Variants in LRRC1 observed in about 807,000 individuals in gnomAD.
LRRC1 encodes leucine-rich repeat-containing protein 1.
Under a neutral mutation model 69.9 loss-of-function variants are expected in LRRC1, and 28 were observed. That is an observed-to-expected ratio of 0.40 (90% CI 0.30 to 0.55). LRRC1 has a LOEUF of 0.55. LRRC1 is among the 20% of genes least tolerant of loss of function. The pLI is 0.47. For synonymous variants in LRRC1, 236 were observed against 240.2 expected (o/e 0.98, Z 0.16); for missense variants, 498 against 609.0 (o/e 0.82, Z 1.92).
intron 4 of LRRC1, among the ~76,000 whole-genome samples, chr6:53,890,496 G>GC (rs1442443017): frequency 6.6e-6 from 1 of 151,964 alleles, no homozygotes; most frequent in Non-Finnish European, 1.5e-5. Context: ...GATCCATGTG[G>GC]CCCCCGGTCA....
intron 3 of LRRC1, among the ~76,000 whole-genome samples, chr6:53,882,546 G>A (rs1181655042): frequency 6.6e-6 from 1 of 152,164 alleles, no homozygotes; most frequent in East Asian, 1.9e-4. Flanking sequence ...ACTTTTAGCT[G>A]CAGCAATAAT....
chr6:53,877,261 C>A (rs979989679), intron 2 of LRRC1, among the ~76,000 whole-genome samples: 4 of 152,158 alleles, frequency 2.6e-5, no homozygotes, highest in Middle Eastern at 3.2e-3. Flanking sequence ...CTAGACTGCA[C>A]ACAACATGGG....
chr6:53,819,941 G>GTATA (rs1765067268), intron 1 of LRRC1, among the ~76,000 whole-genome samples: 1 of 152,166 alleles, frequency 6.6e-6, no homozygotes. Context: ...CAGTTAGTAT[G>GTATA]TATAACTCTT....
chr6:53,797,582 G>A (rs979565608), intron 1 of LRRC1, among the ~76,000 whole-genome samples: 1 of 152,126 alleles, frequency 6.6e-6, no homozygotes, highest in African/African-American at 2.4e-5. Context: ...AAGCGCATCT[G>A]TTTTGTTCAC....
intron 2 of LRRC1, among the ~76,000 whole-genome samples, chr6:53,861,208 C>T (rs1488538557): frequency 6.6e-6 from 1 of 151,804 alleles, no homozygotes; most frequent in Admixed American, 6.6e-5. Flanking sequence ...TGGCCAGGTC[C>T]TCATTGGCAG....
intron 1 of LRRC1, among the ~76,000 whole-genome samples, chr6:53,840,935 C>T (rs112997255): frequency 6.2e-4 from 89 of 144,330 alleles, no homozygotes; most frequent in Non-Finnish European, 1.1e-3. Context: ...TGTGCGTGCG[C>T]GCACATTCTC....
At chr6:53,823,737 G>T (rs1178779619) in intron 1 of LRRC1, among the ~76,000 whole-genome samples, 1 of 152,090 alleles carries the variant, frequency 6.6e-6, no homozygotes, top group African/African-American at 2.4e-5. Context: ...GTGAGAACAT[G>T]CAATATTTGG....
chr6:53,815,516 C>T (rs1412160592), intron 1 of LRRC1, among the ~76,000 whole-genome samples: 10 of 152,154 alleles, frequency 6.6e-5, no homozygotes, highest in Non-Finnish European at 1.3e-4. Flanking sequence ...ACACAGTGAG[C>T]GTGTCCTGAG....
At chr6:53,798,259 A>G (rs1170074440) in intron 1 of LRRC1, among the ~76,000 whole-genome samples, 2 of 152,294 alleles carry the variant, frequency 1.3e-5, no homozygotes, top group African/African-American at 2.4e-5. Flanking sequence ...TCCTTTTTGC[A>G]TCCACCTACT....
intron 1 of LRRC1, among the ~76,000 whole-genome samples, chr6:53,803,480 C>T (rs1764550119): frequency 6.6e-6 from 1 of 152,098 alleles, no homozygotes; most frequent in Admixed American, 6.5e-5. Flanking sequence ...GGAGAAACTT[C>T]TGGATGTCCA....
chr6:53,880,359 A>G (rs1767249851), intron 3 of LRRC1, among the ~76,000 whole-genome samples: 1 of 152,040 alleles, frequency 6.6e-6, no homozygotes, highest in Non-Finnish European at 1.5e-5. Context: ...ACCATCTTCC[A>G]TTCAACTGTC....
At position 53,882,862 on chromosome 6, in the gene LRRC1, G is replaced by T. The variant is rs186068005; in HGVS notation, c.357-25G>T. ...TACATGAACTTTTTTAATTTACAGC[G>T]TTTTGTTTGTTTGTTTGATTTTAGG... On this transcript the variant is annotated intron_variant, in intron 3 of 13. Coordinates refer to ENST00000370888, the MANE Select transcript of LRRC1 (RefSeq NM_018214.5). 4 of 1,463,722 alleles carry T rather than the reference G, an allele frequency of 2.7e-6. No homozygotes were observed. In the African/African-American group the frequency reaches 5.6e-5, roughly 21 times the overall value. 90.7% of individuals were successfully genotyped at this position (1,463,722 alleles called of 1,614,324 possible). A position where few individuals can be genotyped will look rare whatever the true frequency, so the allele number is the denominator to read the frequency against.
chr6:53,870,491 G>T (rs1039912969), intron 2 of LRRC1, among the ~76,000 whole-genome samples: 1 of 151,998 alleles, frequency 6.6e-6, no homozygotes, highest in East Asian at 1.9e-4. Context: ...TTATTAGGAG[G>T]TATCTTTTTT....
At chr6:53,814,590 A>G (rs1764897113) in intron 1 of LRRC1, among the ~76,000 whole-genome samples, 1 of 152,248 alleles carries the variant, frequency 6.6e-6, no homozygotes, top group African/African-American at 2.4e-5. Flanking sequence ...TCCAAGCAAG[A>G]AGGTGCACAG....
intron 1 of LRRC1, among the ~76,000 whole-genome samples, chr6:53,807,428 G>A (rs1171398066): frequency 2.0e-5 from 3 of 152,156 alleles, no homozygotes; most frequent in Non-Finnish European, 1.5e-5. Flanking sequence ...TGAATTTCAG[G>A]TAGTTACAAA....
chr6:53,923,822 G>A lies in LRRC1; in HGVS notation c.*1029G>A, dbSNP rs1399236423. ...GAAAGCTTTAAAAGTTTTATATCCA[G>A]ATATACAACCACAATAAAGCAAAAT... On this transcript the variant is annotated 3_prime_UTR_variant, in exon 14 of 14. Transcript: ENST00000370888. 3.3e-5 allele frequency: 5 copies of A among 152,564 alleles called. No individual in the cohort carries two copies. The highest frequency in any genetic ancestry group is 9.7e-5 in the African/African-American group (4 of 41,438). The allele number at this position is 152,564 out of a possible 1,614,324, so 9.5% of individuals were successfully genotyped here.
intron 4 of LRRC1, among the ~76,000 whole-genome samples, chr6:53,891,999 A>AATAT (rs1554185480): frequency 3.7e-5 from 5 of 133,682 alleles, no homozygotes; most frequent in African/African-American, 1.5e-4. Flanking sequence ...CTAAAAAAAA[A>AATAT]ATATATATAT....
At chr6:53,918,177 A>G (rs1768628921) in intron 11 of LRRC1, among the ~76,000 whole-genome samples, 1 of 152,204 alleles carries the variant, frequency 6.6e-6, no homozygotes, top group Admixed American at 6.5e-5. Flanking sequence ...TGTACAATTC[A>G]TAGTCTTTTC....
At chr6:53,885,746 T>G (rs1767452440) in intron 4 of LRRC1, among the ~76,000 whole-genome samples, 1 of 152,072 alleles carries the variant, frequency 6.6e-6, no homozygotes, top group Non-Finnish European at 1.5e-5. Context: ...GTAAAAGCCT[T>G]TATATAGAGT....
Sources: gnomAD v4.1 joint callset for allele counts (sites outside exome capture counted in the v4.1 genomes callset) on GRCh38, gnomAD v4.1.1 for gene constraint, MANE v1.5 for transcripts, NCBI Gene and HGNC (gene_info 2026-07-23, HGNC 2026-07-21) for gene names.